The following BOK variants were observed in gnomAD, a reference collection of about 807,000 sequenced individuals.
The protein encoded by BOK is BCL2 family apoptosis regulator BOK.
BOK carries 20 observed loss-of-function variants against 18.3 expected under a neutral mutation model. The observed-to-expected ratio is 1.09, with a 90% confidence interval of 0.77 to 1.59. The LOEUF (loss-of-function observed/expected upper bound fraction) is 1.59, where lower values mean the gene tolerates loss of function less well. BOK is among the 40% of genes most tolerant of loss of function. BOK has a pLI of 0.00. For synonymous variants in BOK, 173 were observed against 142.4 expected (o/e 1.21, Z -1.53); for missense variants, 348 against 307.9 (o/e 1.13, Z -0.97).
chr2:241,572,224 T>TG, intron 4 of BOK, 73 bp from the exon 5 acceptor site: 1 of 1,583,966 alleles, frequency 6.3e-7, no homozygotes. Context: ...TGCACGGTGC[T>TG]GGGGGGCCTG....
At chr2:241,558,054 G>GACAGACACACACACACACACAC (rs2066467944), upstream of BOK, among the ~76,000 whole-genome samples, 19 of 143,356 alleles carry the variant, frequency 1.3e-4, no homozygotes, top group African/African-American at 4.8e-4. Flanking sequence ...AGAGTTCCGA[G>GACAGACACACACACACACACAC]ACACACACAC....
rs1039475757 is a variant in BOK, at chr2:241,562,078, G to T, written c.221-270G>T. On this transcript the variant is annotated intron_variant, in intron 2 of 4. Transcript: ENST00000318407. The surrounding 1 kb of genome is among the most constrained non-coding windows in gnomAD (Gnocchi z 4.5). ...GGATTCCCGCCCCACCGGCTTGGCC[G>T]GCTAGGCTTAGGGGCTGGCTCGTCA... Among the ~76,000 whole-genome samples, 1 of 152,258 alleles carries T rather than the reference G, an allele frequency of 6.6e-6. No individual in the cohort carries two copies. Among genetic ancestry groups the T allele is most frequent in the Non-Finnish European group, 1.5e-5 (1 of 68,042 alleles).
intron 3 of BOK, among the ~76,000 whole-genome samples, chr2:241,563,100 A>G (rs1476729467): frequency 6.6e-6 from 1 of 151,678 alleles, no homozygotes; most frequent in Non-Finnish European, 1.5e-5. Context: ...CTCACCTGTG[A>G]CCCTCCTGTG....
intron 2 of BOK, chr2:241,560,246 T>TGCCCCCACC: frequency 2.0e-6 from 2 of 985,448 alleles, no homozygotes; most frequent in Non-Finnish European, 2.4e-6. Context: ...GTCCACTGGC[T>TGCCCCCACC]GCCCCCACCG....
rs2066744086 is a variant in BOK at position 241,572,720 on chromosome 2, C to T, written c.*298C>T. 6.8e-6 allele frequency: 3 copies of T among 439,256 alleles called. No homozygotes were observed. The highest frequency in any genetic ancestry group is 5.9e-5 in the African/African-American group (3 of 50,598). 27.2% of individuals were successfully genotyped at this position (439,256 alleles called of 1,614,324 possible). On this transcript the variant is annotated 3_prime_UTR_variant, in exon 5 of 5. Transcript: ENST00000318407. Reference sequence around the variant, plus strand: ...TGGGGCCAGGAAGTCAGGGTCAACTCCCAGGCCTCAGATGCAGGGGCCCAG... The same window carrying T: ...TGGGGCCAGGAAGTCAGGGTCAACTTCCAGGCCTCAGATGCAGGGGCCCAG...
At position 241,564,571 on chromosome 2, in the gene BOK, G is replaced by A. The variant is rs539090141; in HGVS notation, c.349+2095G>A. Among the ~76,000 whole-genome samples the A allele has an allele frequency of 7.2e-5, 11 of 152,144 alleles. No individual in the cohort carries two copies. The East Asian group carries it at 9.7e-4, about 13-fold the overall frequency. On this transcript the variant is annotated intron_variant, in intron 3 of 4. Coordinates refer to ENST00000318407, the MANE Select transcript of BOK (RefSeq NM_032515.5). ...GGGCAGGTGGTGTGGCTCAGGGGCC[G>A]GGTGGGCAGGGGGCAGGGTTCACGG...
At chr2:241,565,178 A>G (rs1314625920) in intron 3 of BOK, among the ~76,000 whole-genome samples, 2 of 152,126 alleles carry the variant, frequency 1.3e-5, no homozygotes, top group Non-Finnish European at 2.9e-5. Context: ...CCCTGTGGTC[A>G]GCATCCCCCA....
At chr2:241,559,308 G>T in intron 1 of BOK, 147 bp from the exon 2 acceptor site, 1 of 413,402 alleles carries the variant, frequency 2.4e-6, no homozygotes, top group Non-Finnish European at 4.0e-6. Flanking sequence ...AGGTGGCGCT[G>T]GGTTTTTAAA....
intron 3 of BOK, among the ~76,000 whole-genome samples, chr2:241,565,812 G>A (rs1000905832): frequency 3.0e-4 from 46 of 152,174 alleles, no homozygotes; most frequent in African/African-American, 1.0e-3. Context: ...TTCATTTAGG[G>A]CTTCAAAGTT....
intron 3 of BOK, among the ~76,000 whole-genome samples, chr2:241,566,337 G>A (rs77113555): frequency 1.5e-5 from 2 of 137,318 alleles, no homozygotes; most frequent in East Asian, 4.2e-4. Context: ...CACTCTTGTT[G>A]CCCAGGCTGG....
In BOK at chr2:241,572,487, C is replaced by G; in HGVS notation, c.*65C>G. ...CCCAACGCAGGAGGCCCTCAGCACC[C>G]GAACACATCTTCCTCCTCCCCACCC... On this transcript the variant is annotated 3_prime_UTR_variant, in exon 5 of 5. Transcript: ENST00000318407. 6.5e-7 allele frequency: 1 copy of G among 1,545,362 alleles called. No homozygotes were observed. The highest frequency in any genetic ancestry group is 1.3e-5 in the African/African-American group (1 of 74,160).
At chr2:241,569,746 C>T (rs1044048203) in intron 3 of BOK, among the ~76,000 whole-genome samples, 2 of 152,186 alleles carry the variant, frequency 1.3e-5, no homozygotes, top group Admixed American at 6.5e-5. Context: ...AGTTTCTCTG[C>T]GGGCCTCAGC....
At chr2:241,561,959 C>T (rs73123524) in intron 2 of BOK, among the ~76,000 whole-genome samples, 5,560 of 152,350 alleles carry the variant, frequency 0.036, 337 homozygotes, top group African/African-American at 0.13. Flanking sequence ...CTCCCCACGT[C>T]GGGGTCTGGC....
chr2:241,568,272 C>T (rs562563680), intron 3 of BOK, among the ~76,000 whole-genome samples: 23 of 152,164 alleles, frequency 1.5e-4, no homozygotes, highest in Non-Finnish European at 3.2e-4. Context: ...AGGCACCAGC[C>T]GCCATGCCCG....
intron 1 of BOK, 23 bp from the exon 2 acceptor site, chr2:241,559,432 C>T (rs1363712237): frequency 3.0e-6 from 4 of 1,332,148 alleles, no homozygotes; most frequent in South Asian, 1.9e-5. Context: ...TCCCTCCACC[C>T]GGCTGAGCGC....
chr2:241,560,335 C>T (rs567851280), intron 2 of BOK: 17 of 950,888 alleles, frequency 1.8e-5, no homozygotes, highest in African/African-American at 1.2e-4. Context: ...TGGGCTGTGG[C>T]CGTCACCTGG....
At position 241,572,285 on chromosome 2, in the gene BOK, C is replaced by CTTCCCT. The variant is rs2066736879; in HGVS notation, c.514-11_514-6dup. On this transcript the variant is annotated splice_polypyrimidine_tract_variant and intron_variant, in intron 4 of 4. Coordinates refer to ENST00000318407, the MANE Select transcript of BOK (RefSeq NM_032515.5). The stretch of plus-strand genomic sequence containing the variant: ...GGCTCTGCTTTCTAACGGTCTCCCT[C>CTTCCCT]TTCCCTCCCAGACTGATGTCCTCAA... 2 of 1,609,530 alleles carry CTTCCCT rather than the reference C, an allele frequency of 1.2e-6. No individual in the cohort carries two copies. Among genetic ancestry groups the CTTCCCT allele is most frequent in the East Asian group, 4.5e-5 (2 of 44,786 alleles).
chr2:241,560,398 C>T (rs1339080944), intron 2 of BOK: 2 of 691,086 alleles, frequency 2.9e-6, no homozygotes, highest in African/African-American at 3.9e-5. Context: ...TGGCTGAGCC[C>T]GGGAAGGGGA....
intron 1 of BOK, among the ~76,000 whole-genome samples, chr2:241,553,686 C>A (rs961548038): frequency 3.3e-5 from 5 of 152,178 alleles, no homozygotes; most frequent in African/African-American, 4.8e-5. Flanking sequence ...TGCAAATCAG[C>A]CCCCATCATC....
Sources: gnomAD v4.1 joint callset for allele counts (sites outside exome capture counted in the v4.1 genomes callset) on GRCh38, gnomAD v4.1.1 for gene constraint, Gnocchi (gnomAD v3.1) non-coding constraint, MANE v1.5 for transcripts, NCBI Gene and HGNC (gene_info 2026-07-23, HGNC 2026-07-21) for gene names.